ERC2: variants seen among roughly 807,000 people sequenced by gnomAD.
The protein encoded by ERC2 is ERC protein 2.
A neutral mutation model predicts 114.8 loss-of-function variants in ERC2; 42 were observed. The observed-to-expected ratio is 0.37, with a 90% CI of 0.29 to 0.47. ERC2 has a LOEUF of 0.47. Ranked by LOEUF, ERC2 falls within the 20% of genes least tolerant of loss-of-function variation. The probability of loss-of-function intolerance (pLI) is 0.99; values close to 1 mark genes in which losing one functional copy is unlikely to be tolerated. For missense variants in ERC2, 939 were observed against 1,150.7 expected (o/e 0.82, Z 2.66); for synonymous variants, 454 against 425.5 (o/e 1.07, Z -0.82).
intron 3 of ERC2, among the ~76,000 whole-genome samples, chr3:56,211,058 C>T (rs2049029216): frequency 6.6e-6 from 1 of 152,080 alleles, no homozygotes; most frequent in African/African-American, 2.4e-5. Flanking sequence ...TAAAATTTAT[C>T]TCATTAGGTA....
At chr3:55,693,168 T>C (rs1286319018) in intron 16 of ERC2, among the ~76,000 whole-genome samples, 1 of 151,924 alleles carries the variant, frequency 6.6e-6, no homozygotes, top group African/African-American at 2.4e-5. Flanking sequence ...CCAAGTAGAG[T>C]GGATAATATT....
intron 14 of ERC2, among the ~76,000 whole-genome samples, chr3:55,864,172 T>TATATATATACACATATATATATACACAC (rs2062177397): frequency 1.8e-5 from 2 of 113,490 alleles, no homozygotes; most frequent in Non-Finnish European, 3.6e-5. Context: ...TATATACACA[T>TATATATATACACATATATATATACACAC]ATATATATAC....
At chr3:56,016,929 G>A (rs891356242) in intron 8 of ERC2, among the ~76,000 whole-genome samples, 5 of 152,030 alleles carry the variant, frequency 3.3e-5, no homozygotes, top group African/African-American at 4.8e-5. Flanking sequence ...ACTCTAGTAG[G>A]GCATCCCAGA....
chr3:56,143,066 G>C (rs181276169), intron 5 of ERC2, among the ~76,000 whole-genome samples: 1 of 152,262 alleles, frequency 6.6e-6, no homozygotes, highest in African/African-American at 2.4e-5. Context: ...TTGGCTCAAA[G>C]CTTTAAAACA....
chr3:55,866,911 G>A lies in ERC2; in HGVS notation c.2564+21478C>T, dbSNP rs138638929. On this transcript the variant is annotated intron_variant, in intron 14 of 17. Coordinates refer to ENST00000288221, the MANE Select transcript of ERC2 (RefSeq NM_015576.3). ...ATTCCCCCAAAATTGATTTTACATC[G>A]TCTTGGATATCTTTTATGATATAAA... 6.4e-3 allele frequency among the ~76,000 whole-genome samples: 968 copies of A among 152,044 alleles called. 12 individuals are homozygous for A. The highest frequency in any genetic ancestry group is 0.022 in the African/African-American group (904 of 41,472).
intron 1 of ERC2, among the ~76,000 whole-genome samples, chr3:56,453,948 G>A (rs1484502048): frequency 6.6e-6 from 1 of 152,156 alleles, no homozygotes; most frequent in East Asian, 1.9e-4. Flanking sequence ...CACAGCCCTA[G>A]GAAGAATCCA....
At chr3:55,774,060 C>T (rs999559759) in intron 14 of ERC2, among the ~76,000 whole-genome samples, 17 of 152,162 alleles carry the variant, frequency 1.1e-4, no homozygotes, top group African/African-American at 4.1e-4. Context: ...TGCTTAAGCT[C>T]AGAGCAGTAA....
chr3:55,716,746 C>T (rs2064143152), intron 15 of ERC2, among the ~76,000 whole-genome samples: 2 of 152,216 alleles, frequency 1.3e-5, no homozygotes, highest in Non-Finnish European at 2.9e-5. Flanking sequence ...ATCTCCACCT[C>T]CACCCTGACT....
intron 14 of ERC2, among the ~76,000 whole-genome samples, chr3:55,887,704 GT>G (rs1397738096): frequency 6.6e-6 from 1 of 152,194 alleles, no homozygotes; most frequent in East Asian, 1.9e-4. Context: ...AGAGTGAGGT[GT>G]AGGTGGGTGT....
At chr3:55,518,884 G>C (rs1187406841) in intron 17 of ERC2, among the ~76,000 whole-genome samples, 1 of 152,192 alleles carries the variant, frequency 6.6e-6, no homozygotes, top group African/African-American at 2.4e-5. Flanking sequence ...ACTAATGATA[G>C]TCTTTCTTTT....
chr3:56,329,019 G>A (rs1247483162), intron 2 of ERC2, among the ~76,000 whole-genome samples: 2 of 152,314 alleles, frequency 1.3e-5, no homozygotes, highest in Non-Finnish European at 1.5e-5. Flanking sequence ...ACAAGTCCAT[G>A]GATAGTGAAG....
chr3:56,349,363 A>G (rs2058462541), intron 2 of ERC2, among the ~76,000 whole-genome samples: 1 of 152,132 alleles, frequency 6.6e-6, no homozygotes, highest in Non-Finnish European at 1.5e-5. Flanking sequence ...ACACCCACTT[A>G]CCCCCACCAA....
intron 5 of ERC2, among the ~76,000 whole-genome samples, chr3:56,140,398 G>C (rs1159750603): frequency 6.6e-6 from 1 of 152,010 alleles, no homozygotes; most frequent in East Asian, 1.9e-4. Context: ...ATTTGGTTTT[G>C]CATGTTTTTA....
At chr3:55,597,249 T>A (rs1416771389) in intron 17 of ERC2, among the ~76,000 whole-genome samples, 2 of 151,904 alleles carry the variant, frequency 1.3e-5, no homozygotes, top group African/African-American at 4.8e-5. Flanking sequence ...TGAAACCCCA[T>A]CTCTACAAAA....
chr3:56,208,307 T>C (rs1264945100), intron 3 of ERC2, among the ~76,000 whole-genome samples: 1 of 118,348 alleles, frequency 8.4e-6, no homozygotes, highest in Non-Finnish European at 1.9e-5. Context: ...ATGGCAATTC[T>C]AACATTCATA....
intron 3 of ERC2, among the ~76,000 whole-genome samples, chr3:56,211,107 A>G (rs2049032237): frequency 6.6e-6 from 1 of 152,174 alleles, no homozygotes. Flanking sequence ...CAGAGCAATC[A>G]TACAAGAGAA....
intron 14 of ERC2, among the ~76,000 whole-genome samples, chr3:55,869,404 T>C (rs2062465904): frequency 6.6e-6 from 1 of 152,184 alleles, no homozygotes. Flanking sequence ...AGCAGAACCT[T>C]CCAGAACTGT....
At chr3:55,698,160 T>C (rs1576190888) in intron 16 of ERC2, among the ~76,000 whole-genome samples, 1 of 151,996 alleles carries the variant, frequency 6.6e-6, no homozygotes, top group African/African-American at 2.4e-5. Flanking sequence ...GCTTCGGAAA[T>C]CTAGATTTTT....
At chr3:55,908,001 A>G (rs2064564059) in intron 13 of ERC2, among the ~76,000 whole-genome samples, 1 of 152,166 alleles carries the variant, frequency 6.6e-6, no homozygotes, top group Non-Finnish European at 1.5e-5. Flanking sequence ...AAAGCAACAC[A>G]CAGGGAGAGG....
Sources: allele counts gnomAD v4.1 joint callset (sites outside exome capture counted in the v4.1 genomes callset), GRCh38; gene constraint gnomAD v4.1.1; transcripts MANE v1.5; gene names NCBI Gene and HGNC (gene_info 2026-07-23, HGNC 2026-07-21).